FOXP4: variants seen among roughly 807,000 people sequenced by gnomAD.
FOXP4 encodes forkhead box protein P4.
In FOXP4, 25 loss-of-function variants were observed where a neutral mutation model predicts 82.6. The observed-to-expected ratio is 0.30, with a 90% CI of 0.22 to 0.42. FOXP4 has a LOEUF of 0.42. Ranked by LOEUF, FOXP4 falls within the 10% of genes least tolerant of loss-of-function variation. FOXP4 has a pLI of 1.00. For missense variants in FOXP4, 785 were observed against 900.9 expected (o/e 0.87, Z 1.65); for synonymous variants, 415 against 388.2 (o/e 1.07, Z -0.81).
At chr6:41,556,578 C>T (rs554276941) in intron 1 of FOXP4, among the ~76,000 whole-genome samples, 1 of 152,280 alleles carries the variant, frequency 6.6e-6, no homozygotes, top group South Asian at 2.1e-4. Flanking sequence ...CCCGCCTTGG[C>T]CTCCCAGAGT....
intron 1 of FOXP4, among the ~76,000 whole-genome samples, chr6:41,559,044 C>T (rs1325994542): frequency 6.6e-6 from 1 of 152,140 alleles, no homozygotes; most frequent in Non-Finnish European, 1.5e-5. Flanking sequence ...AAGGCCTTTG[C>T]GTATGTTCTT....
At chr6:41,573,060 CT>C (rs1765286485) in intron 2 of FOXP4, among the ~76,000 whole-genome samples, 1 of 152,204 alleles carries the variant, frequency 6.6e-6, no homozygotes, top group Non-Finnish European at 1.5e-5. Context: ...GGCCCAAGCT[CT>C]TCGACTTCTC....
At chr6:41,596,607 C>T (rs1331300131) in intron 14 of FOXP4, among the ~76,000 whole-genome samples, 1 of 151,854 alleles carries the variant, frequency 6.6e-6, no homozygotes, top group Non-Finnish European at 1.5e-5. Context: ...GGTGTCATCA[C>T]TGGAAGAGGG....
Position 41,587,567 on chromosome 6 carries a change from G to A in FOXP4, c.872+55G>A, listed in dbSNP as rs999993883. The A allele has an allele frequency of 1.4e-5, 20 of 1,390,434 alleles. No homozygotes were observed. In the African/African-American group the frequency reaches 2.2e-4, roughly 15 times the overall value. The allele number at this position is 1,390,434 out of a possible 1,614,324, so 86.1% of individuals were successfully genotyped here. A position where few individuals can be genotyped will look rare whatever the true frequency, so the allele number is the denominator to read the frequency against. Reference sequence around the variant, plus strand: ...AAAGGCCTGCCTGGGGGTAGACCTGGCCCCCCACCCATGAGGGCTGACTGT... The same window carrying A: ...AAAGGCCTGCCTGGGGGTAGACCTGACCCCCCACCCATGAGGGCTGACTGT... On this transcript the variant is annotated intron_variant, in intron 7 of 16. Transcript: ENST00000307972.
At chr6:41,589,901 C>T (rs374211738) in intron 10 of FOXP4, 47 bp downstream of exon 10, 16 of 1,609,978 alleles carry the variant, frequency 9.9e-6, no homozygotes, top group Non-Finnish European at 1.2e-5. Flanking sequence ...TTCCACAGAC[C>T]CTGGAGCCTC....
intron 1 of FOXP4, among the ~76,000 whole-genome samples, chr6:41,555,394 T>C (rs1451135533): frequency 6.6e-6 from 1 of 152,198 alleles, no homozygotes; most frequent in Non-Finnish European, 1.5e-5. Flanking sequence ...GGTGAGCCCC[T>C]CTATGATAAA....
chr6:41,587,689 T>C (rs911613561), intron 7 of FOXP4, 104 bp from the exon 8 acceptor site: 17 of 930,726 alleles, frequency 1.8e-5, no homozygotes, highest in South Asian at 6.3e-5. Flanking sequence ...GAAACCTGTA[T>C]TGGGGCAGAA....
intron 12 of FOXP4, 56 bp downstream of exon 12, chr6:41,590,403 C>T: frequency 1.6e-5 from 25 of 1,558,102 alleles, no homozygotes; most frequent in Non-Finnish European, 2.2e-5. Context: ...GCTCCCCCAG[C>T]CCCCGCCACA....
chr6:41,597,474 A>G (rs1766914588), intron 15 of FOXP4, among the ~76,000 whole-genome samples: 1 of 152,122 alleles, frequency 6.6e-6, no homozygotes, highest in Non-Finnish European at 1.5e-5. Context: ...TGGCATACCT[A>G]TAGCATCCCC....
At chr6:41,587,589 CTG>C (rs1766225407) in intron 7 of FOXP4, 77 bp downstream of exon 7, 2 of 1,246,544 alleles carry the variant, frequency 1.6e-6, no homozygotes, top group Non-Finnish European at 2.2e-6. Flanking sequence ...TGAGGGCTGA[CTG>C]TGAGGGAGGG....
intron 2 of FOXP4, among the ~76,000 whole-genome samples, chr6:41,569,794 C>T (rs1765084772): frequency 6.6e-6 from 1 of 152,132 alleles, no homozygotes; most frequent in African/African-American, 2.4e-5. Context: ...TGGGAACTCC[C>T]ACTGCAGTTG....
intron 13 of FOXP4, among the ~76,000 whole-genome samples, chr6:41,592,219 A>G (rs1766562760): frequency 6.6e-6 from 1 of 152,138 alleles, no homozygotes; most frequent in Non-Finnish European, 1.5e-5. Context: ...CAATCCCACT[A>G]GGTTTCAACA....
At chr6:41,578,792 G>C (rs1765640812) in intron 3 of FOXP4, among the ~76,000 whole-genome samples, 2 of 151,978 alleles carry the variant, frequency 1.3e-5, no homozygotes, top group East Asian at 1.9e-4. Flanking sequence ...GTCTGAGTCC[G>C]GGTTGGGTCA....
Position 41,590,153 on chromosome 6 carries a change from G to T in FOXP4, c.1340G>T (p.Cys447Phe), listed in dbSNP as rs1477143803. The change falls in exon 11 of 17, where the codon TGC (cysteine) becomes TTC (phenylalanine). Residue 447 changes from cysteine to phenylalanine, a missense_variant. This residue lies in a region of FOXP4 where 570 missense variants were observed against 634.0 expected (regional missense o/e 0.90). Transcript: ENST00000307972. ...PARRRSSDKF[C>F]SPISSELAQN... is the part of the protein sequence containing the mutation. ...CGTCGGAGAAGCAGTGACAAGTTCTGCTCCCCCATCTCCTCAGGTGAGGGT... is the reference window on the plus strand; with the variant it reads ...CGTCGGAGAAGCAGTGACAAGTTCTTCTCCCCCATCTCCTCAGGTGAGGGT... 3 of 1,607,102 alleles carry T rather than the reference G, an allele frequency of 1.9e-6. No homozygotes were observed. The highest frequency in any genetic ancestry group is 1.3e-5 in the African/African-American group (1 of 74,820).
chr6:41,572,140 C>A (rs1332843478), intron 2 of FOXP4, among the ~76,000 whole-genome samples: 1 of 152,200 alleles, frequency 6.6e-6, no homozygotes, highest in Non-Finnish European at 1.5e-5. Flanking sequence ...TCAGGCCACT[C>A]TTCTCTTGGC....
intron 7 of FOXP4, 28 bp downstream of exon 7, chr6:41,587,540 T>C (rs536117974): frequency 1.3e-6 from 2 of 1,506,548 alleles, no homozygotes; most frequent in Non-Finnish European, 1.8e-6. Flanking sequence ...GGGAGGGGCA[T>C]CAAAGGCCTG....
rs1043679859 is a variant in FOXP4, at chr6:41,601,445, C to T, written c.*2509C>T. ...CCGCCTCAGACCCCTGTGCACATCCCCAGGGCCTCAGCCGTCTCATTGGTC... is the reference window on the plus strand; with the variant it reads ...CCGCCTCAGACCCCTGTGCACATCCTCAGGGCCTCAGCCGTCTCATTGGTC... On this transcript the variant is annotated 3_prime_UTR_variant, in exon 17 of 17. Transcript: ENST00000307972. 1 of 152,334 alleles carries T rather than the reference C, an allele frequency of 6.6e-6. No homozygotes were observed. The highest frequency in any genetic ancestry group is 6.5e-5 in the Admixed American group (1 of 15,276). The allele number at this position is 152,334 out of a possible 1,614,324, so 9.4% of individuals were successfully genotyped here. A position where few individuals can be genotyped will look rare whatever the true frequency, so the allele number is the denominator to read the frequency against.
In FOXP4 at chr6:41,593,369, C is replaced by T. The variant is rs1766627548; in HGVS notation, c.1537-1501C>T. ...TGCCGTTCATCCAGGGACAGAGCTG[C>T]CATCTGCCAAGCTGATGGTCCTTGC... On this transcript the variant is annotated intron_variant, in intron 13 of 16. Coordinates refer to ENST00000307972, the MANE Select transcript of FOXP4 (RefSeq NM_001012426.2). The surrounding 1 kb of genome is among the most constrained non-coding windows in gnomAD (Gnocchi z 4.1). Among the ~76,000 whole-genome samples the T allele has an allele frequency of 6.6e-6, 1 of 152,198 alleles. No individual in the cohort carries two copies. Among genetic ancestry groups the T allele is most frequent in the Non-Finnish European group, 1.5e-5 (1 of 68,036 alleles).
chr6:41,546,845 C>T lies in FOXP4; in HGVS notation c.-39C>T, dbSNP rs1010235218. On this transcript the variant is annotated 5_prime_UTR_variant, in exon 1 of 17. Transcript: ENST00000307972. Reference sequence around the variant, plus strand: ...GCGCGGGCTGACGGGCCGGAGCCCGCACGGAGCGGCCGGGCGGGACAGGTA... The same window carrying T: ...GCGCGGGCTGACGGGCCGGAGCCCGTACGGAGCGGCCGGGCGGGACAGGTA... The T allele has an allele frequency of 6.7e-6, 1 of 149,514 alleles. No homozygotes were observed. Among genetic ancestry groups the T allele is most frequent in the Non-Finnish European group, 1.5e-5 (1 of 67,178 alleles). The allele number at this position is 149,514 out of a possible 1,614,324, so 9.3% of individuals were successfully genotyped here. A position where few individuals can be genotyped will look rare whatever the true frequency, so the allele number is the denominator to read the frequency against.
Sources: allele counts gnomAD v4.1 joint callset (sites outside exome capture counted in the v4.1 genomes callset), GRCh38; gene constraint gnomAD v4.1.1; regional missense constraint gnomAD v4.1.1; non-coding constraint Gnocchi (gnomAD v3.1); transcripts MANE v1.5; gene names NCBI Gene and HGNC (gene_info 2026-07-23, HGNC 2026-07-21).